The following HECW1 variants were observed in gnomAD, a reference collection of about 807,000 sequenced individuals.
The protein encoded by HECW1 is HECT, C2 and WW domain containing E3 ubiquitin protein ligase 1, also known as E3 ubiquitin-protein ligase HECW1.
A neutral mutation model predicts 182.3 loss-of-function variants in HECW1; 61 were observed. The observed-to-expected ratio is 0.33, with a 90% CI of 0.27 to 0.41. HECW1 has a LOEUF of 0.41. Ranked by LOEUF, HECW1 falls within the 10% of genes least tolerant of loss-of-function variation. The pLI is 1.00. For missense variants in HECW1, 1,739 were observed against 2,108.9 expected, an observed-to-expected ratio of 0.82 and a Z score of 3.44; for synonymous variants, 859 against 832.6, an observed-to-expected ratio of 1.03 and a Z score of -0.55.
intron 2 of HECW1, among the ~76,000 whole-genome samples, chr7:43,184,233 T>C (rs976915355): frequency 6.6e-6 from 1 of 152,156 alleles, no homozygotes; most frequent in Non-Finnish European, 1.5e-5. Context: ...CAGGATGATC[T>C]CGATCTCCTG....
chr7:43,444,144 A>C lies in HECW1; in HGVS notation c.1046-74A>C, dbSNP rs751433629. 29 of 1,425,806 alleles carry C rather than the reference A, an allele frequency of 2.0e-5. No individual in the cohort carries two copies. The highest frequency in any genetic ancestry group is 2.8e-5 in the Non-Finnish European group (29 of 1,049,538). 88.3% of individuals were successfully genotyped at this position (1,425,806 alleles called of 1,614,324 possible). A position where few individuals can be genotyped will look rare whatever the true frequency, so the allele number is the denominator to read the frequency against. Reference sequence around the variant, plus strand: ...TAGAAATCCCTTAGTGATGGCTTACATGTCCCACAGGGTATCCTAACACCA... The same window carrying C: ...TAGAAATCCCTTAGTGATGGCTTACCTGTCCCACAGGGTATCCTAACACCA... On this transcript the variant is annotated intron_variant, in intron 10 of 29. Coordinates refer to ENST00000395891, the MANE Select transcript of HECW1 (RefSeq NM_015052.5). This position sits in a 1 kb window ranked among gnomAD's most constrained non-coding sequence, Gnocchi z 4.3.
chr7:43,139,672 C>A (rs189297422), intron 2 of HECW1, among the ~76,000 whole-genome samples: 23 of 152,200 alleles, frequency 1.5e-4, no homozygotes, highest in African/African-American at 5.5e-4. Context: ...TCCCTTATTT[C>A]TTTTCATTCA....
At position 43,469,042 on chromosome 7, in the gene HECW1, GT is replaced by G; in HGVS notation, c.3038del (p.Phe1013SerfsTer50). ...GGGACTTGGTGAATTTCATCAACAT[GT>G]TCGCAGACACTCGGCTGGAACTGCC... ...NRDLVNFINM[F>X]ADTRLELPRG... On this transcript the variant is annotated frameshift_variant, in exon 16 of 30. Coordinates refer to ENST00000395891, the MANE Select transcript of HECW1 (RefSeq NM_015052.5). LOFTEE classifies it high-confidence loss of function. The G allele has an allele frequency of 6.2e-7, 1 of 1,614,194 alleles. No individual in the cohort carries two copies. Among genetic ancestry groups the G allele is most frequent in the Non-Finnish European group, 8.5e-7 (1 of 1,180,040 alleles).
At chr7:43,271,680 C>G (rs79495743) in intron 3 of HECW1, among the ~76,000 whole-genome samples, 1 of 152,092 alleles carries the variant, frequency 6.6e-6, no homozygotes. Flanking sequence ...CTACAAAACA[C>G]TGATAAAATA....
intron 24 of HECW1, among the ~76,000 whole-genome samples, chr7:43,517,356 C>G (rs1271081431): frequency 6.6e-6 from 1 of 151,606 alleles, no homozygotes; most frequent in Non-Finnish European, 1.5e-5. Flanking sequence ...TCTGCCCCAG[C>G]CCCGACCTCT....
chr7:43,561,432 G>A (rs1258976819), intron 29 of HECW1, among the ~76,000 whole-genome samples: 3 of 152,208 alleles, frequency 2.0e-5, no homozygotes, highest in Admixed American at 6.5e-5. Context: ...TCAGAAATCA[G>A]AGCTGGGCAA....
chr7:43,257,253 C>G (rs1800676469), intron 3 of HECW1, among the ~76,000 whole-genome samples: 2 of 152,118 alleles, frequency 1.3e-5, no homozygotes, highest in African/African-American at 4.8e-5. Flanking sequence ...TGGGAAACAC[C>G]AAGTTAAACA....
At chr7:43,113,977 C>T (rs1167330927) in intron 1 of HECW1, 180 bp from the exon 2 acceptor site, 1 of 313,872 alleles carries the variant, frequency 3.2e-6, no homozygotes, top group Admixed American at 4.6e-5. Context: ...TGCCCGGCTT[C>T]CTGTGGTTCC....
At chr7:43,157,309 C>A (rs1367797253) in intron 2 of HECW1, among the ~76,000 whole-genome samples, 2 of 151,742 alleles carry the variant, frequency 1.3e-5, no homozygotes, top group Non-Finnish European at 2.9e-5. Context: ...ATCAAACATC[C>A]AAAAAAATGT....
intron 24 of HECW1, among the ~76,000 whole-genome samples, chr7:43,529,686 C>A (rs1453618034): frequency 6.6e-6 from 1 of 152,178 alleles, no homozygotes; most frequent in Non-Finnish European, 1.5e-5. Context: ...TCGCTGGAGT[C>A]CATTCCTCCA....
chr7:43,312,856 T>C (rs1336798764), intron 4 of HECW1, among the ~76,000 whole-genome samples: 1 of 152,266 alleles, frequency 6.6e-6, no homozygotes, highest in Non-Finnish European at 1.5e-5. Flanking sequence ...TGGAAATTGA[T>C]GTGTTTACCC....
intron 2 of HECW1, among the ~76,000 whole-genome samples, chr7:43,236,406 G>T (rs1325386836): frequency 6.6e-6 from 1 of 152,210 alleles, no homozygotes; most frequent in Non-Finnish European, 1.5e-5. Context: ...TTTTGGCAAG[G>T]TTAAGGCTGC....
chr7:43,461,488 G>A (rs3919666), intron 13 of HECW1, among the ~76,000 whole-genome samples: 5,041 of 152,276 alleles, frequency 0.033, 278 homozygotes, highest in African/African-American at 0.12. Flanking sequence ...AAAGCATTTA[G>A]GGAATCCTCC....
intron 5 of HECW1, among the ~76,000 whole-genome samples, chr7:43,326,934 A>G (rs1246272520): frequency 1.3e-5 from 2 of 152,232 alleles, no homozygotes; most frequent in African/African-American, 2.4e-5. Context: ...GACTAGACAC[A>G]GGGGCTTCAT....
intron 3 of HECW1, among the ~76,000 whole-genome samples, chr7:43,283,175 C>G (rs1804147154): frequency 6.6e-6 from 1 of 151,574 alleles, no homozygotes; most frequent in South Asian, 2.1e-4. Context: ...TTTGGGGACC[C>G]CTGGAAGGCC....
intron 8 of HECW1, among the ~76,000 whole-genome samples, chr7:43,431,828 C>A (rs1356385014): frequency 6.6e-6 from 1 of 152,040 alleles, no homozygotes; most frequent in Non-Finnish European, 1.5e-5. Context: ...GCCCATGGCA[C>A]CCCTCTACCT....
At chr7:43,535,026 T>G (rs1159915475) in intron 24 of HECW1, among the ~76,000 whole-genome samples, 1 of 152,222 alleles carries the variant, frequency 6.6e-6, no homozygotes, top group Non-Finnish European at 1.5e-5. Context: ...GATTCCCATT[T>G]TGCAGGCAAG....
chr7:43,297,295 A>G (rs1349079192), intron 3 of HECW1, among the ~76,000 whole-genome samples: 1 of 152,210 alleles, frequency 6.6e-6, no homozygotes, highest in Non-Finnish European at 1.5e-5. Flanking sequence ...CCTTGCCAAA[A>G]TGTCACAATT....
Position 43,493,105 on chromosome 7 carries a change from C to A in HECW1, c.3362C>A (p.Ala1121Glu), listed in dbSNP as rs1297061897. 6.2e-7 allele frequency: 1 copy of A among 1,613,276 alleles called. No individual in the cohort carries two copies. The highest frequency in any genetic ancestry group is 8.5e-7 in the Non-Finnish European group (1 of 1,179,498). ...TCAGCATATAATGACAAGATTGTGG[C>A]ATTTCTTCGCCAGCCAAACATTTTT... ...LPLAYNDKIV[A>E]FLRQPNIFEM... Residue 1121 changes from alanine to glutamate, a missense_variant, in exon 19 of 30, where the codon GCA becomes GAA. Coordinates refer to ENST00000395891, the MANE Select transcript of HECW1 (RefSeq NM_015052.5).
Sources: gnomAD v4.1 joint callset for allele counts (sites outside exome capture counted in the v4.1 genomes callset) on GRCh38, gnomAD v4.1.1 for gene constraint, Gnocchi (gnomAD v3.1) non-coding constraint, MANE v1.5 for transcripts, NCBI Gene and HGNC (gene_info 2026-07-23, HGNC 2026-07-21) for gene names.